LCLAT1: variants seen among roughly 807,000 people sequenced by gnomAD.
LCLAT1 encodes the protein lysocardiolipin acyltransferase 1, also known as 1-AGP acyltransferase 8.
LCLAT1 carries 11 observed loss-of-function variants against 30.7 expected under a neutral mutation model. The ratio of observed to expected loss-of-function variants is 0.36; its 90% CI spans 0.23 to 0.59. The LOEUF (loss-of-function observed/expected upper bound fraction) is 0.59. LCLAT1 is among the 20% of genes least tolerant of loss of function. The pLI is 0.77. For missense variants in LCLAT1, 402 were observed against 458.6 expected (o/e 0.88, Z 1.13); for synonymous variants, 155 against 151.3 (o/e 1.02, Z -0.18).
intron 1 of LCLAT1, among the ~76,000 whole-genome samples, chr2:30,477,888 A>G (rs996052461): frequency 1.3e-5 from 2 of 152,006 alleles, no homozygotes; most frequent in Non-Finnish European, 2.9e-5. Context: ...ACTTTTTAAG[A>G]CTTCTTGAAA....
At chr2:30,502,705 A>G (rs1409921867) in intron 1 of LCLAT1, among the ~76,000 whole-genome samples, 1 of 114,100 alleles carries the variant, frequency 8.8e-6, no homozygotes, top group East Asian at 2.7e-4. Flanking sequence ...TCAGTACCTC[A>G]TCTCTCTCTT....
intron 1 of LCLAT1, among the ~76,000 whole-genome samples, chr2:30,498,629 C>G (rs954180157): frequency 3.3e-5 from 5 of 152,160 alleles, no homozygotes; most frequent in African/African-American, 1.2e-4. Flanking sequence ...ACTTTATCCT[C>G]TCTCACGATT....
intron 5 of LCLAT1, among the ~76,000 whole-genome samples, chr2:30,596,589 G>A (rs1284276967): frequency 6.6e-6 from 1 of 151,318 alleles, no homozygotes; most frequent in Non-Finnish European, 1.5e-5. Flanking sequence ...CCTTTCTGTA[G>A]AATGTCTGTT....
At chr2:30,529,257 T>G (rs1685877374) in intron 2 of LCLAT1, among the ~76,000 whole-genome samples, 1 of 152,206 alleles carries the variant, frequency 6.6e-6, no homozygotes, top group Admixed American at 6.5e-5. Flanking sequence ...GTTGGCAAGA[T>G]TTTTCTTGTC....
intron 3 of LCLAT1, among the ~76,000 whole-genome samples, chr2:30,541,387 G>A (rs1327507245): frequency 6.6e-6 from 1 of 151,692 alleles, no homozygotes; most frequent in Non-Finnish European, 1.5e-5. Flanking sequence ...GTGTGACCCT[G>A]TCTCTTAAAA....
At chr2:30,526,986 A>G (rs1685751667) in intron 2 of LCLAT1, among the ~76,000 whole-genome samples, 2 of 152,154 alleles carry the variant, frequency 1.3e-5, no homozygotes, top group South Asian at 4.1e-4. Flanking sequence ...TTTGCCATAA[A>G]ATACTCATTT....
At chr2:30,591,644 T>C (rs1666696484) in intron 5 of LCLAT1, among the ~76,000 whole-genome samples, 1 of 152,208 alleles carries the variant, frequency 6.6e-6, no homozygotes, top group Non-Finnish European at 1.5e-5. Context: ...GACCACCTGC[T>C]GTAACCAGGC....
chr2:30,555,587 ATACTAT>A (rs959763416), intron 3 of LCLAT1, among the ~76,000 whole-genome samples: 4 of 152,122 alleles, frequency 2.6e-5, no homozygotes, highest in Non-Finnish European at 5.9e-5. Flanking sequence ...ATCCTTTTTA[ATACTAT>A]TACTATGTTA....
chr2:30,542,111 G>A (rs1217914034), intron 3 of LCLAT1, among the ~76,000 whole-genome samples: 3 of 152,014 alleles, frequency 2.0e-5, no homozygotes, highest in African/African-American at 7.2e-5. Context: ...CAAAAATTCT[G>A]GATATAGGCT....
intron 2 of LCLAT1, among the ~76,000 whole-genome samples, chr2:30,529,785 G>A (rs1245913871): frequency 6.6e-6 from 1 of 152,190 alleles, no homozygotes; most frequent in Non-Finnish European, 1.5e-5. Context: ...TCTTAACAAA[G>A]TGGGTGCTCA....
At chr2:30,523,824 C>G (rs982322675) in intron 1 of LCLAT1, among the ~76,000 whole-genome samples, 10 of 152,208 alleles carry the variant, frequency 6.6e-5, no homozygotes, top group African/African-American at 2.4e-4. Context: ...GCCCAGATCG[C>G]ACCACTGTAC....
intron 5 of LCLAT1, among the ~76,000 whole-genome samples, chr2:30,617,486 G>C (rs753607592): frequency 6.6e-6 from 1 of 152,034 alleles, no homozygotes; most frequent in Non-Finnish European, 1.5e-5. Flanking sequence ...GTATAAAATT[G>C]CTACAGACAT....
chr2:30,615,512 T>G (rs917202150), intron 5 of LCLAT1, among the ~76,000 whole-genome samples: 1 of 152,120 alleles, frequency 6.6e-6, no homozygotes, highest in Admixed American at 6.6e-5. Flanking sequence ...AATATGTATG[T>G]TGAGCAGTAC....
At chr2:30,480,728 T>C (rs1298507459) in intron 1 of LCLAT1, among the ~76,000 whole-genome samples, 1 of 152,136 alleles carries the variant, frequency 6.6e-6, no homozygotes, top group East Asian at 1.9e-4. Flanking sequence ...AGTTTTAGCC[T>C]GGGCAATAGA....
chr2:30,627,185 T>C (rs1668550624), intron 5 of LCLAT1, among the ~76,000 whole-genome samples: 1 of 152,204 alleles, frequency 6.6e-6, no homozygotes, highest in Non-Finnish European at 1.5e-5. Context: ...GGGTGTCTGG[T>C]GGGCAGGCAC....
chr2:30,493,158 C>T (rs924025358), intron 1 of LCLAT1, among the ~76,000 whole-genome samples: 1 of 152,120 alleles, frequency 6.6e-6, no homozygotes, highest in Non-Finnish European at 1.5e-5. Context: ...TAAATTTTGT[C>T]TCCCTCCCTC....
intron 1 of LCLAT1, among the ~76,000 whole-genome samples, chr2:30,469,445 G>A (rs915739857): frequency 2.6e-5 from 4 of 152,038 alleles, no homozygotes; most frequent in Non-Finnish European, 5.9e-5. Flanking sequence ...TAGCTATCCA[G>A]TAGTATCATT....
chr2:30,580,548 T>C (rs1317056436), intron 5 of LCLAT1, among the ~76,000 whole-genome samples: 1 of 152,138 alleles, frequency 6.6e-6, no homozygotes. Flanking sequence ...ACAGGGAGTT[T>C]CCTGATGAAG....
chr2:30,539,273 T>A (rs1168823847), intron 3 of LCLAT1, among the ~76,000 whole-genome samples: 1 of 78,582 alleles, frequency 1.3e-5, no homozygotes, highest in Non-Finnish European at 2.6e-5. Flanking sequence ...TTTTTTTTTT[T>A]AAACAGGGTC....
Sources: gnomAD v4.1 joint callset for allele counts (sites outside exome capture counted in the v4.1 genomes callset) on GRCh38, gnomAD v4.1.1 for gene constraint, MANE v1.5 for transcripts, NCBI Gene and HGNC (gene_info 2026-07-23, HGNC 2026-07-21) for gene names.